Variants in TASOR observed in about 807,000 individuals in gnomAD.
TASOR encodes protein TASOR.
TASOR carries 53 observed loss-of-function variants against 178.6 expected under a neutral mutation model. That is an observed-to-expected ratio of 0.30 (90% CI 0.24 to 0.37). TASOR has a LOEUF of 0.37. Ranked by LOEUF, TASOR falls within the 10% of genes least tolerant of loss-of-function variation. The pLI, the probability that TASOR is intolerant of heterozygous loss-of-function variation, is 1.00. For missense variants in TASOR, 1,815 were observed against 1,971.4 expected (o/e 0.92, Z 1.50); for synonymous variants, 713 against 696.2 (o/e 1.02, Z -0.38).
At chr3:56,633,999 A>G in intron 17 of TASOR, 33 bp from the exon 18 acceptor site, 1 of 1,457,312 alleles carries the variant, frequency 6.9e-7, no homozygotes, top group Non-Finnish European at 9.1e-7. Context: ...TATAAGAGCA[A>G]TCCAAAAAGA....
intron 9 of TASOR, 42 bp downstream of exon 9, chr3:56,662,343 G>T: frequency 9.7e-7 from 1 of 1,030,842 alleles, no homozygotes; most frequent in Non-Finnish European, 1.5e-6. Context: ...TCAAGAAAGT[G>T]ATAAAATTAG....
rs747406694 is a variant in TASOR, at chr3:56,627,150, T to TA, written c.4031-6dup. On this transcript the variant is annotated splice_region_variant and splice_polypyrimidine_tract_variant and intron_variant, in intron 20 of 23. Coordinates refer to ENST00000683822, the MANE Select transcript of TASOR (RefSeq NM_001365635.2). ...TCAAAAAATTTTTAAGGTTCTCTGT[T>TA]AGAGATAATGAAGTTTGTTTTTAAT... is the stretch of plus-strand genomic sequence containing the variant. 2.6e-6 allele frequency: 4 copies of TA among 1,520,148 alleles called. No individual in the cohort carries two copies. The highest frequency in any genetic ancestry group is 3.6e-6 in the Non-Finnish European group (4 of 1,104,710). The allele number at this position is 1,520,148 out of a possible 1,614,324, so 94.2% of individuals were successfully genotyped here. A position where few individuals can be genotyped will look rare whatever the true frequency, so the allele number is the denominator to read the frequency against.
intron 11 of TASOR, among the ~76,000 whole-genome samples, chr3:56,654,944 T>A (rs2077438603): frequency 6.6e-6 from 1 of 152,210 alleles, no homozygotes; most frequent in Non-Finnish European, 1.5e-5. Flanking sequence ...CATGTCAGCC[T>A]CCATAAATGT....
In TASOR at chr3:56,633,673, T is replaced by G. The variant is rs1381106871; in HGVS notation, c.3118A>C (p.Asn1040His). Residue 1040 changes from asparagine to histidine, a missense_variant, in exon 18 of 24, where the codon AAT (asparagine) becomes CAT (histidine). Physicochemically the swap from Asn to His is moderately conservative, Grantham distance 68 (BLOSUM62 1). Coordinates refer to ENST00000683822, the MANE Select transcript of TASOR (RefSeq NM_001365635.2). ...RKIEEILKQK[N>H]VSYVSTVSTP... The stretch of plus-strand genomic sequence containing the variant: ...GAAACTGTACTGACATATGAAACAT[T>G]CTTTTGCTTCAAAATCTCTTCTATC... 5 of 1,614,162 alleles carry G rather than the reference T, an allele frequency of 3.1e-6. No homozygotes were observed. The highest frequency in any genetic ancestry group is 4.2e-6 in the Non-Finnish European group (5 of 1,180,026).
chr3:56,624,768 A>G, intron 22 of TASOR, 60 bp downstream of exon 22: 1 of 1,576,430 alleles, frequency 6.3e-7, no homozygotes, highest in Non-Finnish European at 8.6e-7. Context: ...ACAGCCCCAT[A>G]AAATCCTTTC....
At chr3:56,656,352 T>G (rs543831024) in intron 11 of TASOR, among the ~76,000 whole-genome samples, 7 of 151,938 alleles carry the variant, frequency 4.6e-5, no homozygotes, top group Non-Finnish European at 8.8e-5. Flanking sequence ...CTTTGGGAGG[T>G]TGAGGCAGGC....
intron 18 of TASOR, 89 bp downstream of exon 18, chr3:56,632,955 C>T (rs916499819): frequency 1.8e-6 from 2 of 1,082,540 alleles, no homozygotes; most frequent in Non-Finnish European, 2.6e-6. Context: ...AAACACAAAA[C>T]ATTTAAATAC....
rs371677853 is a variant in TASOR, at chr3:56,653,675, CCA to C, written c.1369-4620_1369-4619del. Among the ~76,000 whole-genome samples the C allele has an allele frequency of 1.9e-3, 280 of 145,762 alleles. 1 individual carries two copies. Among genetic ancestry groups the C allele is most frequent in the Non-Finnish European group, 3.1e-3 (206 of 67,466 alleles). On this transcript the variant is annotated intron_variant, in intron 11 of 23. Coordinates refer to ENST00000683822, the MANE Select transcript of TASOR (RefSeq NM_001365635.2). ...CAGAAGGAGCATGTACAAAAATTGA[CCA>C]CACAGTAGATCTTAGTCTCAACAAA...
intron 18 of TASOR, 31 bp downstream of exon 18, chr3:56,633,013 C>T (rs1178906394): frequency 2.7e-6 from 4 of 1,472,310 alleles, no homozygotes; most frequent in African/African-American, 1.4e-5. Context: ...GAAGTTTGTA[C>T]AGCATTACTA....
intron 16 of TASOR, 68 bp from the exon 17 acceptor site, chr3:56,638,833 A>C (rs2077067181): frequency 1.4e-6 from 2 of 1,442,046 alleles, no homozygotes; most frequent in Admixed American, 3.4e-5. Context: ...CCTTTCAGAC[A>C]ACCCCAAGTG....
Position 56,627,658 on chromosome 3 carries a change from T to G in TASOR, c.3954A>C (p.Thr1318=). The change falls in exon 20 of 24, where the codon ACA becomes ACC. Residue 1318 remains threonine (T), a synonymous_variant. Coordinates refer to ENST00000683822, the MANE Select transcript of TASOR (RefSeq NM_001365635.2). ...VDSLDDVKNH[T]YNELFVSGGF... ...CTCCAGATACAAATAATTCATTGTA[T>G]GTATGATTTTTAACATCATCCAGGC... 1.2e-6 allele frequency: 2 copies of G among 1,614,096 alleles called. No homozygotes were observed. The highest frequency in any genetic ancestry group is 1.7e-6 in the Non-Finnish European group (2 of 1,179,970).
intron 3 of TASOR, among the ~76,000 whole-genome samples, chr3:56,670,737 A>C (rs1428890369): frequency 6.6e-6 from 1 of 151,752 alleles, no homozygotes; most frequent in Non-Finnish European, 1.5e-5. Flanking sequence ...GGAGTTCAAG[A>C]CCAGCCTGGC....
chr3:56,638,611 T>A (rs890962148), intron 17 of TASOR, 95 bp downstream of exon 17: 47 of 1,282,216 alleles, frequency 3.7e-5, no homozygotes, highest in Middle Eastern at 3.8e-4. Context: ...ATTAAAAAAA[T>A]TTAAGTCAAT....
chr3:56,643,346 C>T (rs568750817), intron 14 of TASOR, among the ~76,000 whole-genome samples: 36 of 152,008 alleles, frequency 2.4e-4, no homozygotes, highest in African/African-American at 8.7e-4. Context: ...AATAGGTACA[C>T]TGATATAAAC....
At chr3:56,631,576 G>GTTTT (rs796072760) in intron 18 of TASOR, among the ~76,000 whole-genome samples, 9 of 111,022 alleles carry the variant, frequency 8.1e-5, no homozygotes, top group African/African-American at 1.6e-4. Flanking sequence ...GTGTGTCTGT[G>GTTTT]TTTTTTTGTT....
intron 1 of TASOR, among the ~76,000 whole-genome samples, 152 bp downstream of exon 1, chr3:56,682,524 A>G (rs1262056874): frequency 6.7e-6 from 1 of 148,484 alleles, no homozygotes; most frequent in Non-Finnish European, 1.5e-5. Context: ...CAAACGCGGC[A>G]GCTGGGCGGC....
At chr3:56,632,077 A>AC (rs2076927119) in intron 18 of TASOR, among the ~76,000 whole-genome samples, 1 of 152,112 alleles carries the variant, frequency 6.6e-6, no homozygotes, top group African/African-American at 2.4e-5. Flanking sequence ...CATTAGGCCA[A>AC]CCCTGGGCAG....
chr3:56,672,353 C>T (rs1182601801), intron 2 of TASOR, among the ~76,000 whole-genome samples: 1 of 152,162 alleles, frequency 6.6e-6, no homozygotes, highest in East Asian at 1.9e-4. Flanking sequence ...GCTACCATAC[C>T]ATGAAACCAC....
Position 56,620,278 on chromosome 3 carries a change from A to T in TASOR, c.*2759T>A, listed in dbSNP as rs942125112. On this transcript the variant is annotated 3_prime_UTR_variant, in exon 24 of 24. Transcript: ENST00000683822. ...CTTTTTAAAAAATTGACGTGTTGGC[A>T]GTGTTTGTTAGAACATTGACGTACA... 4 of 157,212 alleles carry T rather than the reference A, an allele frequency of 2.5e-5. No homozygotes were observed. The highest frequency in any genetic ancestry group is 9.6e-5 in the African/African-American group (4 of 41,556). 9.7% of individuals were successfully genotyped at this position (157,212 alleles called of 1,614,324 possible).
Sources: allele counts gnomAD v4.1 joint callset (sites outside exome capture counted in the v4.1 genomes callset), GRCh38; gene constraint gnomAD v4.1.1; transcripts MANE v1.5; gene names NCBI Gene and HGNC (gene_info 2026-07-23, HGNC 2026-07-21).